The following DMD variants were observed in gnomAD, a reference collection of about 807,000 sequenced individuals.
The protein encoded by DMD is dystrophin.
Under a neutral mutation model 330.1 loss-of-function variants are expected in DMD, and 63 were observed. The observed-to-expected ratio is 0.19, with a 90% CI of 0.16 to 0.24. DMD has a LOEUF of 0.24. DMD is among the 10% of genes least tolerant of loss of function. DMD has a pLI of 1.00. For missense variants in DMD, 3,344 were observed against 2,684.1 expected, an observed-to-expected ratio of 1.25 and a Z score of -5.43; for synonymous variants, 1,223 against 959.8, an observed-to-expected ratio of 1.27 and a Z score of -5.07.
At chrX:31,193,851 G>C (rs2042627230) in intron 67 of DMD, among the ~76,000 whole-genome samples, 1 of 111,115 alleles carries the variant, frequency 9.0e-6, no homozygotes, top group African/African-American at 3.3e-5. Context: ...CAGAGTATGG[G>C]ACATTCTTCA....
At chrX:32,800,036 C>A (rs189295045) in intron 7 of DMD, among the ~76,000 whole-genome samples, 2 of 111,761 alleles carry the variant, frequency 1.8e-5, no homozygotes, top group Non-Finnish European at 3.8e-5. Context: ...ATCAACAAAG[C>A]TTATGTTTAA....
At chrX:32,266,064 T>C (rs1029888000) in intron 43 of DMD, among the ~76,000 whole-genome samples, 4 of 111,813 alleles carry the variant, frequency 3.6e-5, no homozygotes, top group African/African-American at 1.3e-4. Flanking sequence ...CCCACCCAAA[T>C]CTCATTCTGA....
intron 5 of DMD, among the ~76,000 whole-genome samples, chrX:32,822,964 T>C (rs2078397296): frequency 1.8e-5 from 2 of 111,603 alleles, no homozygotes; most frequent in South Asian, 7.3e-4. Context: ...GTGATTAAAA[T>C]AAAACATACT....
chrX:32,828,377 A>G (rs1321236447), intron 4 of DMD, among the ~76,000 whole-genome samples: 2 of 110,007 alleles, frequency 1.8e-5, no homozygotes, highest in Admixed American at 1.9e-4. Context: ...TTATGCATAC[A>G]TTTTCAGATA....
intron 7 of DMD, among the ~76,000 whole-genome samples, chrX:32,771,503 T>TACACACACACACACAC (rs754545800): frequency 0.04 from 4,276 of 105,679 alleles, 72 homozygotes; most frequent in Middle Eastern, 0.067. Flanking sequence ...ATTTTGTTAA[T>TACACACACACACACAC]ACACACACAC....
rs187240752 is a variant in DMD at position 31,968,989 on chromosome X, A to T, written c.6439-475T>A. On this transcript the variant is annotated intron_variant, in intron 44 of 78. Transcript: ENST00000357033. ...AGTATTAAAAAAAAACTCTAGAGAT[A>T]TTTAAATAAAATTAATTGCTATATT... 4.8e-3 allele frequency among the ~76,000 whole-genome samples: 541 copies of T among 111,772 alleles called. 2 individuals are homozygous for T. The highest frequency in any genetic ancestry group is 0.016 in the African/African-American group (503 of 30,871).
At chrX:32,206,267 C>T (rs16990153) in intron 44 of DMD, 10,691 of 521,559 alleles carry the variant, frequency 0.02, 651 homozygotes, top group African/African-American at 0.2. Flanking sequence ...AGTCAGAAGA[C>T]GAACAGGAGG....
chrX:32,741,786 T>A (rs1157769679), intron 7 of DMD, among the ~76,000 whole-genome samples: 1 of 112,039 alleles, frequency 8.9e-6, no homozygotes, highest in Non-Finnish European at 1.9e-5. Context: ...AGTTGTATAC[T>A]TTAAACAGAT....
At chrX:31,863,308 A>G (rs1412528429) in intron 48 of DMD, among the ~76,000 whole-genome samples, 1 of 112,285 alleles carries the variant, frequency 8.9e-6, no homozygotes, top group Non-Finnish European at 1.9e-5. Context: ...ACGCCACTGC[A>G]CTCCAGCCTG....
chrX:33,140,783 A>C (rs771214080), intron 1 of DMD, among the ~76,000 whole-genome samples: 1 of 112,399 alleles, frequency 8.9e-6, no homozygotes, highest in South Asian at 3.7e-4. Flanking sequence ...GCTATCCTGC[A>C]GATGCTAATG....
chrX:33,009,098 A>G (rs780048008), intron 2 of DMD, among the ~76,000 whole-genome samples: 1 of 26,507 alleles, frequency 3.8e-5, no homozygotes, highest in Admixed American at 4.7e-4. Context: ...ATATACGTAT[A>G]TATGTATATA....
intron 7 of DMD, among the ~76,000 whole-genome samples, chrX:32,709,781 A>C (rs1306465592): frequency 1.8e-5 from 2 of 111,490 alleles, no homozygotes; most frequent in Non-Finnish European, 3.8e-5. Context: ...TTTTACATTG[A>C]TTTCCTTTAC....
chrX:33,095,399 A>G (rs910411823), intron 1 of DMD, among the ~76,000 whole-genome samples: 2 of 112,305 alleles, frequency 1.8e-5, no homozygotes, highest in African/African-American at 6.5e-5. Context: ...TTCACTCAAC[A>G]TATTAAAACA....
At chrX:33,023,947 C>T (rs768763931) in intron 1 of DMD, among the ~76,000 whole-genome samples, 18 of 111,346 alleles carry the variant, frequency 1.6e-4, no homozygotes, top group South Asian at 3.7e-4. Context: ...TGGTCATATG[C>T]CTTTTAATTT....
chrX:32,180,897 T>C (rs1439336847), intron 44 of DMD, among the ~76,000 whole-genome samples: 2 of 111,269 alleles, frequency 1.8e-5, no homozygotes, highest in African/African-American at 6.5e-5. Context: ...TCTCTCTCCC[T>C]TGACATGTGG....
intron 2 of DMD, among the ~76,000 whole-genome samples, chrX:32,856,089 T>C (rs1234344692): frequency 8.9e-6 from 1 of 112,121 alleles, no homozygotes; most frequent in African/African-American, 3.2e-5. Flanking sequence ...CAGAGAAATG[T>C]AAATCAAAAC....
chrX:33,167,104 G>A (rs770456643), intron 1 of DMD, among the ~76,000 whole-genome samples: 57 of 110,988 alleles, frequency 5.1e-4, no homozygotes, highest in African/African-American at 1.4e-3. Context: ...AAAAACTGAC[G>A]TATTTCTGAG....
At chrX:31,684,587 C>G (rs2082571988) in intron 52 of DMD, among the ~76,000 whole-genome samples, 1 of 111,773 alleles carries the variant, frequency 8.9e-6, no homozygotes, top group South Asian at 3.7e-4. Context: ...TGAAACAACT[C>G]TAGGATTTTT....
intron 2 of DMD, among the ~76,000 whole-genome samples, chrX:32,945,786 C>T (rs1435351090): frequency 9.0e-6 from 1 of 111,077 alleles, no homozygotes; most frequent in African/African-American, 3.3e-5. Flanking sequence ...TATATTTTTT[C>T]CTTCTGATCT....
Sources: allele counts gnomAD v4.1 joint callset (sites outside exome capture counted in the v4.1 genomes callset), GRCh38; gene constraint gnomAD v4.1.1; transcripts MANE v1.5; gene names NCBI Gene and HGNC (gene_info 2026-07-23, HGNC 2026-07-21).